ENOX1: variants seen among roughly 807,000 people sequenced by gnomAD.
The protein encoded by ENOX1 is candidate growth-related and time keeping constitutive hydroquinone (NADH) oxidase.
ENOX1 carries 42 observed loss-of-function variants against 82.5 expected under a neutral mutation model. That is an observed-to-expected ratio of 0.51 (90% CI 0.40 to 0.66). ENOX1 has a LOEUF of 0.66. Among genes scored for constraint, ENOX1 ranks in the 30% least tolerant of loss-of-function variants. The pLI, the probability that ENOX1 is intolerant of heterozygous loss-of-function variation, is 0.00. For synonymous variants in ENOX1, 271 were observed against 282.2 expected, an observed-to-expected ratio of 0.96 and a Z score of 0.40; for missense variants, 608 against 811.6, an observed-to-expected ratio of 0.75 and a Z score of 3.05.
At chr13:43,712,777 T>C (rs2087820654) in intron 1 of ENOX1, among the ~76,000 whole-genome samples, 1 of 152,224 alleles carries the variant, frequency 6.6e-6, no homozygotes, top group Non-Finnish European at 1.5e-5. Flanking sequence ...TCCTGAGATT[T>C]GCTGAAGTTG....
chr13:43,604,608 T>C (rs563048115), intron 2 of ENOX1, among the ~76,000 whole-genome samples: 80 of 152,348 alleles, frequency 5.3e-4, no homozygotes, highest in African/African-American at 1.9e-3. Flanking sequence ...ATTCTGTTCA[T>C]ACGATGTGTC....
chr13:43,388,740 A>G, intron 5 of ENOX1, among the ~76,000 whole-genome samples: 1 of 152,212 alleles, frequency 6.6e-6, no homozygotes, highest in East Asian at 1.9e-4. Context: ...AGGGAAGGCT[A>G]TTAGAATGAA....
intron 12 of ENOX1, among the ~76,000 whole-genome samples, chr13:43,280,584 G>A (rs770541708): frequency 3.9e-5 from 6 of 152,210 alleles, no homozygotes; most frequent in Non-Finnish European, 5.9e-5. Flanking sequence ...AGTGAAGAGA[G>A]AAAATACAGC....
chr13:43,456,967 A>G (rs9594947), intron 3 of ENOX1, among the ~76,000 whole-genome samples: 67,643 of 133,572 alleles, frequency 0.51, 15,546 homozygotes, highest in South Asian at 0.58. Flanking sequence ...GATATCTCAC[A>G]TTCAGTAGCC....
intron 5 of ENOX1, among the ~76,000 whole-genome samples, chr13:43,410,541 A>G (rs1005704109): frequency 9.2e-5 from 14 of 151,636 alleles, no homozygotes; most frequent in African/African-American, 3.2e-4. Context: ...TCTCTTATCC[A>G]TTTTCATATT....
chr13:43,606,024 G>A (rs926241853), intron 2 of ENOX1, among the ~76,000 whole-genome samples: 2 of 152,082 alleles, frequency 1.3e-5, no homozygotes, highest in African/African-American at 4.8e-5. Context: ...CTCAAAAGAA[G>A]ACATGCCAAT....
At chr13:43,783,330 T>A (rs755131859) in intron 1 of ENOX1, among the ~76,000 whole-genome samples, 2 of 152,220 alleles carry the variant, frequency 1.3e-5, no homozygotes, top group Non-Finnish European at 2.9e-5. Flanking sequence ...TGCTAATGTA[T>A]TTTCTAAGTA....
At chr13:43,360,875 C>A (rs976067254) in intron 6 of ENOX1, among the ~76,000 whole-genome samples, 1 of 152,194 alleles carries the variant, frequency 6.6e-6, no homozygotes, top group Non-Finnish European at 1.5e-5. Context: ...CTCTCCCCAG[C>A]CCCCAAATTG....
At chr13:43,603,912 A>G (rs112501454) in intron 2 of ENOX1, among the ~76,000 whole-genome samples, 29,129 of 92,684 alleles carry the variant, frequency 0.31, 5,581 homozygotes, top group East Asian at 0.72. Flanking sequence ...CAGTAATGGG[A>G]TGGCTGGGTC....
intron 1 of ENOX1, among the ~76,000 whole-genome samples, chr13:43,768,301 T>A (rs985020017): frequency 6.6e-6 from 1 of 152,186 alleles, no homozygotes; most frequent in African/African-American, 2.4e-5. Flanking sequence ...AACATATGCT[T>A]CCATAGTAAA....
At chr13:43,680,380 A>ACTCT (rs1236716193) in intron 1 of ENOX1, among the ~76,000 whole-genome samples, 2 of 152,120 alleles carry the variant, frequency 1.3e-5, no homozygotes, top group Non-Finnish European at 2.9e-5. Context: ...GTCATGGACA[A>ACTCT]CTCTCTATTC....
intron 14 of ENOX1, among the ~76,000 whole-genome samples, chr13:43,251,362 G>A (rs1039886319): frequency 2.3e-4 from 35 of 152,274 alleles, no homozygotes; most frequent in African/African-American, 8.4e-4. Flanking sequence ...ACAGATTCAT[G>A]AGCTGACTGA....
chr13:43,302,263 C>T (rs569581459), intron 11 of ENOX1, among the ~76,000 whole-genome samples: 149 of 152,164 alleles, frequency 9.8e-4, no homozygotes, highest in African/African-American at 3.2e-3. Context: ...AAATGTCAAC[C>T]GGACTGAATG....
At chr13:43,499,014 T>C (rs1333610516) in intron 2 of ENOX1, among the ~76,000 whole-genome samples, 2 of 152,160 alleles carry the variant, frequency 1.3e-5, no homozygotes, top group Non-Finnish European at 2.9e-5. Context: ...GTTGATATCA[T>C]GTACCTTTGA....
chr13:43,481,192 C>T (rs1379574227), intron 3 of ENOX1, among the ~76,000 whole-genome samples: 1 of 151,872 alleles, frequency 6.6e-6, no homozygotes, highest in East Asian at 1.9e-4. Context: ...TTCCCGATGT[C>T]GAAATGTAAC....
intron 14 of ENOX1, among the ~76,000 whole-genome samples, chr13:43,258,291 C>G (rs1274076501): frequency 6.6e-6 from 1 of 152,194 alleles, no homozygotes; most frequent in Non-Finnish European, 1.5e-5. Flanking sequence ...TTGACCTTTT[C>G]AAGGGTGCTG....
intron 1 of ENOX1, among the ~76,000 whole-genome samples, chr13:43,755,447 G>A (rs1016823888): frequency 5.3e-5 from 8 of 152,226 alleles, no homozygotes; most frequent in South Asian, 2.1e-4. Flanking sequence ...TCATGTACCC[G>A]TGAAGCTCTA....
At chr13:43,308,103 C>T (rs2046972091) in intron 11 of ENOX1, among the ~76,000 whole-genome samples, 2 of 152,112 alleles carry the variant, frequency 1.3e-5, no homozygotes, top group African/African-American at 2.4e-5. Flanking sequence ...AAGGCAGAGA[C>T]TCTGTCCTTG....
intron 9 of ENOX1, among the ~76,000 whole-genome samples, chr13:43,343,005 G>A (rs2049159176): frequency 6.6e-6 from 1 of 152,148 alleles, no homozygotes; most frequent in Non-Finnish European, 1.5e-5. Context: ...TAGAGCCAAG[G>A]GTTGAGTCTT....
Sources: allele counts gnomAD v4.1 joint callset (sites outside exome capture counted in the v4.1 genomes callset), GRCh38; gene constraint gnomAD v4.1.1; transcripts MANE v1.5; gene names NCBI Gene and HGNC (gene_info 2026-07-23, HGNC 2026-07-21).